COCH: variants seen among roughly 807,000 people sequenced by gnomAD.
COCH encodes the protein cochlin, also known as coagulation factor C homolog, cochlin (Limulus polyphemus).
A neutral mutation model predicts 54.8 loss-of-function variants in COCH; 40 were observed. The ratio of observed to expected loss-of-function variants is 0.73; its 90% CI spans 0.57 to 0.95. COCH has a LOEUF of 0.95. COCH is among the 40% of genes least tolerant of loss of function. The pLI, the probability that COCH is intolerant of heterozygous loss-of-function variation, is 0.00. For missense variants in COCH, 605 were observed against 675.0 expected (o/e 0.90, Z 1.15); for synonymous variants, 256 against 237.9 (o/e 1.08, Z -0.70).
chr14:30,885,465 G>A lies in COCH; in HGVS notation c.805G>A (p.Val269Met), dbSNP rs531508748. The A allele has an allele frequency of 1.9e-6, 3 of 1,613,850 alleles. No individual in the cohort carries two copies. Among genetic ancestry groups the A allele is most frequent in the African/African-American group, 2.7e-5 (2 of 74,928 alleles). ...TGGAGTAAGAAAAGGGATCCCCAAAGTGGTGGTGGTATTTATTGATGGTTG... is the reference window on the plus strand; with the variant it reads ...TGGAGTAAGAAAAGGGATCCCCAAAATGGTGGTGGTATTTATTGATGGTTG... The part of the protein sequence containing the change: ...DAGVRKGIPK[V>M]VVVFIDGWPS... Residue 269 changes from valine to methionine, a missense_variant, in exon 10 of 12, where the codon GTG becomes ATG. Coordinates refer to ENST00000396618, the MANE Select transcript of COCH (RefSeq NM_004086.3).
At chr14:30,895,444 T>C (rs1437217746), downstream of COCH, 1 of 1,612,122 alleles carries the variant, frequency 6.2e-7, no homozygotes. Flanking sequence ...CATCAGCTCC[T>C]GCACTAGCTA....
intron 4 of COCH, 138 bp from the exon 5 acceptor site, chr14:30,878,673 A>T: frequency 8.1e-7 from 1 of 1,240,350 alleles, no homozygotes. Flanking sequence ...AAATAAATAA[A>T]GCAGAATCTT....
intron 8 of COCH, 58 bp downstream of exon 8, chr14:30,880,792 T>C (rs931340776): frequency 2.5e-5 from 31 of 1,217,898 alleles, no homozygotes; most frequent in Non-Finnish European, 7.2e-6. Context: ...AATTGACACA[T>C]AATAATTATA....
chr14:30,885,898 C>T lies in COCH; in HGVS notation c.1063C>T (p.Gln355Ter). The T allele has an allele frequency of 6.2e-6, 10 of 1,614,154 alleles. No individual in the cohort carries two copies. Among genetic ancestry groups the T allele is most frequent in the Non-Finnish European group, 7.6e-6 (9 of 1,179,992 alleles). The change falls in exon 11 of 12, where the codon CAA becomes TAA. Residue 355 changes from glutamine to a stop codon, truncating the protein, a stop_gained. Coordinates refer to ENST00000396618, the MANE Select transcript of COCH (RefSeq NM_004086.3). LOFTEE classifies it high-confidence loss of function. ...PLVQKLCTHE[Q>*]MMCSKTCYNS... Reference sequence around the variant, plus strand: ...GGTACAGAAGCTGTGCACTCATGAACAAATGATGTGCAGCAAGACCTGTTA... The same window carrying T: ...GGTACAGAAGCTGTGCACTCATGAATAAATGATGTGCAGCAAGACCTGTTA...
At chr14:30,886,885 T>A (rs558649159) in intron 11 of COCH, among the ~76,000 whole-genome samples, 1 of 152,148 alleles carries the variant, frequency 6.6e-6, no homozygotes, top group Non-Finnish European at 1.5e-5. Context: ...CCCTGGCTAA[T>A]TTTTAAATTT....
chr14:30,882,406 A>G (rs956814559), intron 8 of COCH, among the ~76,000 whole-genome samples: 2 of 152,078 alleles, frequency 1.3e-5, no homozygotes, highest in African/African-American at 4.8e-5. Flanking sequence ...CTAGGATTAC[A>G]GGTGTGAGCT....
chr14:30,882,118 T>C (rs75731223), intron 8 of COCH, among the ~76,000 whole-genome samples: 3 of 132,200 alleles, frequency 2.3e-5, no homozygotes, highest in African/African-American at 8.6e-5. Flanking sequence ...CACTATAAAA[T>C]GGTTTTTTTT....
Position 30,880,768 on chromosome 14 carries a change from A to C in COCH, c.629+34A>C, listed in dbSNP as rs760746272. 1.9e-6 allele frequency: 3 copies of C among 1,538,854 alleles called. No individual in the cohort carries two copies. In the Admixed American group the frequency reaches 5.0e-5, roughly 26 times the overall value. ...CTTGTTAAAATGGGAGATTTAAAAA[A>C]AAAATTATTTTGTAATTGACACATA... On this transcript the variant is annotated intron_variant, in intron 8 of 11. Coordinates refer to ENST00000396618, the MANE Select transcript of COCH (RefSeq NM_004086.3).
Position 30,875,100 on chromosome 14 carries a change from GC to G in COCH, c.81del (p.Ala28LeufsTer38). ...GCCGGGGCCCGCGGGCAGCGAGGGAGCCGGTGAGTGGGGGAGCTGGGGTGCG... is the reference window on the plus strand; with the variant it reads ...GCCGGGGCCCGCGGGCAGCGAGGGAGCGGTGAGTGGGGGAGCTGGGGTGCG... Reference protein sequence around the residue: ...LLPGPAGSEGAAPIAITCFTR... With the variant: ...LLPGPAGSEGXAPIAITCFTR... On this transcript the variant is annotated frameshift_variant and splice_region_variant, in exon 3 of 12. Transcript: ENST00000396618. LOFTEE classifies it high-confidence loss of function. 1 of 1,568,980 alleles carries G rather than the reference GC, an allele frequency of 6.4e-7. No individual in the cohort carries two copies. The highest frequency in any genetic ancestry group is 2.4e-5 in the East Asian group (1 of 42,484).
At chr14:30,883,932 A>C (rs923434228) in intron 8 of COCH, among the ~76,000 whole-genome samples, 2 of 152,214 alleles carry the variant, frequency 1.3e-5, no homozygotes, top group African/African-American at 4.8e-5. Context: ...TCCCTTTAAA[A>C]AAATGTTGAC....
chr14:30,877,610 A>T lies in COCH; in HGVS notation c.121A>T (p.Ile41Phe), dbSNP rs1279607798. 6.2e-7 allele frequency: 1 copy of T among 1,614,230 alleles called. No individual in the cohort carries two copies. The highest frequency in any genetic ancestry group is 1.1e-5 in the South Asian group (1 of 91,092). Residue 41 changes from isoleucine (I) to phenylalanine (F), a missense_variant, in exon 4 of 12, where the codon ATC becomes TTC. Coordinates refer to ENST00000396618, the MANE Select transcript of COCH (RefSeq NM_004086.3). This position sits in a 1 kb window ranked among gnomAD's most constrained non-coding sequence, Gnocchi z 8.6. The stretch of plus-strand genomic sequence containing the variant: ...CACATGTTTTACCAGAGGCTTGGAC[A>T]TCAGGAAAGAGAAAGCAGATGTCCT... ...AITCFTRGLD[I>F]RKEKADVLCP...
In COCH at chr14:30,885,024, AAG is replaced by A. The variant is rs538057154; in HGVS notation, c.734-364_734-363del. On this transcript the variant is annotated intron_variant, in intron 9 of 11. Coordinates refer to ENST00000396618, the MANE Select transcript of COCH (RefSeq NM_004086.3). ...ATGAGTAGCACTACCGTTGACTCTG[AAG>A]AGAGACTTCTTAGAGGTACTAATCA... 345 of 1,598,282 alleles carry A rather than the reference AAG, an allele frequency of 2.2e-4. 3 individuals carry two copies. In the East Asian group the frequency reaches 6.7e-3, roughly 31 times the overall value.
downstream of COCH, chr14:30,894,902 T>C (rs1159181652): frequency 9.4e-7 from 1 of 1,063,144 alleles, no homozygotes; most frequent in East Asian, 6.6e-5. Flanking sequence ...TCTTTTTTTT[T>C]TTTTTTAAAG....
At chr14:30,881,982 TAAATA>T (rs1895609268) in intron 8 of COCH, among the ~76,000 whole-genome samples, 1 of 73,814 alleles carries the variant, frequency 1.4e-5, no homozygotes, top group South Asian at 3.5e-4. Flanking sequence ...AAAATAAAAA[TAAATA>T]AATAAATAAA....
Position 30,877,509 on chromosome 14 carries a change from TC to T in COCH, c.83-59del, listed in dbSNP as rs1895404976. On this transcript the variant is annotated intron_variant, in intron 3 of 11. Coordinates refer to ENST00000396618, the MANE Select transcript of COCH (RefSeq NM_004086.3). The surrounding 1 kb of genome is among the most constrained non-coding windows in gnomAD (Gnocchi z 8.6). The stretch of plus-strand genomic sequence containing the variant: ...AAAACTTAAATCTCACACTGTAGTC[TC>T]CCCACCACTATGCCCCAAGAAGTCC... The T allele has an allele frequency of 1.9e-6, 3 of 1,593,896 alleles. No individual in the cohort carries two copies. In the African/African-American group the frequency reaches 4.0e-5, roughly 21 times the overall value.
At chr14:30,895,007 C>T (rs1896093601), downstream of COCH, 1 of 441,746 alleles carries the variant, frequency 2.3e-6, no homozygotes, top group Admixed American at 7.6e-5. Context: ...TCACTTCCCC[C>T]AACAAGAGCA....
chr14:30,893,273 A>T (rs1379027328), downstream of COCH, among the ~76,000 whole-genome samples: 1 of 149,996 alleles, frequency 6.7e-6, no homozygotes, highest in Non-Finnish European at 1.5e-5. Flanking sequence ...CAGCCTCCCG[A>T]GTAGCTGGGA....
At chr14:30,883,215 AT>A (rs371648397) in intron 8 of COCH, among the ~76,000 whole-genome samples, 33 of 148,798 alleles carry the variant, frequency 2.2e-4, no homozygotes, top group African/African-American at 7.3e-4. Flanking sequence ...ATCCTTACAT[AT>A]TTTTTTCTAC....
rs1367430682 is a variant in COCH, at chr14:30,878,861, G to T, written c.290G>T (p.Gly97Val). Residue 97 changes from glycine to valine, a missense_variant, in exon 5 of 12, where the codon GGT becomes GTT. Transcript: ENST00000396618. Reference protein sequence around the residue: ...GGPVRVYSLPGRENYSSVDAN... With the variant: ...GGPVRVYSLPVRENYSSVDAN... ...CCTGTACGAGTCTATAGCCTACCTGGTCGAGAAAACTATTCCTCAGTAGAT... is the reference window on the plus strand; with the variant it reads ...CCTGTACGAGTCTATAGCCTACCTGTTCGAGAAAACTATTCCTCAGTAGAT... The T allele has an allele frequency of 6.2e-7, 1 of 1,614,154 alleles. No individual in the cohort carries two copies. Among genetic ancestry groups the T allele is most frequent in the Admixed American group, 1.7e-5 (1 of 60,022 alleles).
Sources: gnomAD v4.1 joint callset for allele counts (sites outside exome capture counted in the v4.1 genomes callset) on GRCh38, gnomAD v4.1.1 for gene constraint, Gnocchi (gnomAD v3.1) non-coding constraint, MANE v1.5 for transcripts, NCBI Gene and HGNC (gene_info 2026-07-23, HGNC 2026-07-21) for gene names.